APTX: variants seen among roughly 807,000 people sequenced by gnomAD.
The protein encoded by APTX is forkhead-associated domain histidine triad-like protein.
APTX carries 33 observed loss-of-function variants against 42.3 expected under a neutral mutation model. The ratio of observed to expected loss-of-function variants is 0.78; its 90% CI spans 0.59 to 1.04. The LOEUF (loss-of-function observed/expected upper bound fraction) is 1.04. APTX is among the 50% of genes least tolerant of loss of function. APTX has a pLI of 0.00. For synonymous variants in APTX, 130 were observed against 146.7 expected, an observed-to-expected ratio of 0.89 and a Z score of 0.82; for missense variants, 421 against 415.1, an observed-to-expected ratio of 1.01 and a Z score of -0.12.
At chr9:33,001,491 G>A (rs1157523205) in intron 1 of APTX, 76 bp downstream of exon 1, 2 of 1,607,688 alleles carry the variant, frequency 1.2e-6, no homozygotes, top group Non-Finnish European at 8.5e-7. Flanking sequence ...CTCAAGGGTA[G>A]GAGCAGCCTC....
At chr9:32,995,663 G>A (rs1337500981) in intron 1 of APTX, among the ~76,000 whole-genome samples, 3 of 152,076 alleles carry the variant, frequency 2.0e-5, no homozygotes, top group South Asian at 2.1e-4. Flanking sequence ...CAAGGCGGGC[G>A]GATCACGAGG....
At position 33,001,427 on chromosome 9, in the gene APTX, G is replaced by A. The variant is rs1270114586; in HGVS notation, c.-5+140C>T. The A allele has an allele frequency of 3.2e-6, 5 of 1,545,452 alleles. No homozygotes were observed. The East Asian group carries it at 9.7e-5, about 30-fold the overall frequency. On this transcript the variant is annotated intron_variant, in intron 1 of 7. Coordinates refer to ENST00000379817, the MANE Select transcript of APTX (RefSeq NM_001195248.2). ...CCCAAGGTAGTAACAGGGGAGGACG[G>A]AGAAAGCAGCCGTGAGAGCAGCGCA...
chr9:33,007,276 A>T (rs1239004992), intron 1 of APTX, among the ~76,000 whole-genome samples: 2 of 152,190 alleles, frequency 1.3e-5, no homozygotes, highest in Non-Finnish European at 2.9e-5. Context: ...CTGAGCAAGG[A>T]CAATAGTAAA....
chr9:33,019,080 A>G (rs1838149607), intron 1 of APTX, among the ~76,000 whole-genome samples: 1 of 152,220 alleles, frequency 6.6e-6, no homozygotes, highest in Non-Finnish European at 1.5e-5. Context: ...ATAATGTATC[A>G]ACGTTGATTC....
rs377129152 is a variant in APTX, at chr9:32,986,041, A to AC, written c.484-12_484-11insG. 34,937 of 617,530 alleles carry AC rather than the reference A, an allele frequency of 0.057. 1,267 individuals carry two copies. Among genetic ancestry groups the AC allele is most frequent in the African/African-American group, 0.14 (5,093 of 37,118 alleles). The allele number at this position is 617,530 out of a possible 1,614,324, so 38.3% of individuals were successfully genotyped here. ...GTGGCCCAGGGATTCCTAAAAAAAA[A>AC]ACAAAAAAAAAAACAAAAAAAAAAA... On this transcript the variant is annotated splice_polypyrimidine_tract_variant and intron_variant, in intron 4 of 7. Coordinates refer to ENST00000379817, the MANE Select transcript of APTX (RefSeq NM_001195248.2).
Position 32,986,142 on chromosome 9 carries a change from A to G in APTX, c.484-112T>C, listed in dbSNP as rs190336212. 1.3e-4 allele frequency: 127 copies of G among 989,490 alleles called. No homozygotes were observed. In the African/African-American group the frequency reaches 1.7e-3, roughly 13 times the overall value. The allele number at this position is 989,490 out of a possible 1,614,324, so 61.3% of individuals were successfully genotyped here. A position where few individuals can be genotyped will look rare whatever the true frequency, so the allele number is the denominator to read the frequency against. ...TAATACTGTGTGATAGCACAACTAA[A>G]CTTGGAAATAAGCTTAGTTTTTGAG... On this transcript the variant is annotated intron_variant, in intron 4 of 7. Coordinates refer to ENST00000379817, the MANE Select transcript of APTX (RefSeq NM_001195248.2).
At chr9:33,012,829 C>A (rs1012222589) in intron 1 of APTX, among the ~76,000 whole-genome samples, 1 of 152,188 alleles carries the variant, frequency 6.6e-6, no homozygotes, top group Admixed American at 6.5e-5. Flanking sequence ...AGAACACTCC[C>A]TTTTAGAAAA....
chr9:32,980,000 G>C lies in APTX; in HGVS notation c.770+4631C>G, dbSNP rs546522466. 2.2e-4 allele frequency: 35 copies of C among 158,194 alleles called. 1 individual carries two copies. In the South Asian group the frequency reaches 3.3e-3, roughly 15 times the overall value. The allele number at this position is 158,194 out of a possible 1,614,324, so 9.8% of individuals were successfully genotyped here. A position where few individuals can be genotyped will look rare whatever the true frequency, so the allele number is the denominator to read the frequency against. On this transcript the variant is annotated intron_variant, in intron 6 of 7. Coordinates refer to ENST00000379817, the MANE Select transcript of APTX (RefSeq NM_001195248.2). ...AGCACCTCGCAACACTTTAACCAAAGAGAGTCAGAAGTGCTTCGTTCCTGA... is the reference window on the plus strand; with the variant it reads ...AGCACCTCGCAACACTTTAACCAAACAGAGTCAGAAGTGCTTCGTTCCTGA...
chr9:33,001,272 T>C, intron 1 of APTX: 2 of 1,434,692 alleles, frequency 1.4e-6, no homozygotes, highest in Non-Finnish European at 1.8e-6. Flanking sequence ...GCCGCCTCCT[T>C]GGTTGGACAG....
rs1280072209 is a variant in APTX, at chr9:32,987,641, G to A, written c.386C>T (p.Ala129Val). The A allele has an allele frequency of 1.9e-5, 31 of 1,614,058 alleles. No individual in the cohort carries two copies. In the East Asian group the frequency reaches 6.2e-4, roughly 32 times the overall value. Residue 129 changes from alanine to valine, a missense_variant, in exon 4 of 8, where the codon GCT (alanine) becomes GTT (valine). Physicochemically the swap from Ala to Val is moderately conservative, Grantham distance 64. Transcript: ENST00000379817. ...CCCTGTCCCAGCCTCAGCTTCCTGAGCAGCATCCCTTTCTATAGAATCACT... is the reference window on the plus strand; with the variant it reads ...CCCTGTCCCAGCCTCAGCTTCCTGAACAGCATCCCTTTCTATAGAATCACT... ...GNSDSIERDA[A>V]QEAEAGTGLE...
At chr9:33,001,746 G>T, upstream of APTX, 1 of 1,126,234 alleles carries the variant, frequency 8.9e-7, no homozygotes, top group Non-Finnish European at 1.3e-6. Flanking sequence ...CGCCCCAATT[G>T]GGTTCTCTCT....
chr9:33,012,641 C>A (rs1251492688), intron 1 of APTX, among the ~76,000 whole-genome samples: 1 of 152,136 alleles, frequency 6.6e-6, no homozygotes, highest in Non-Finnish European at 1.5e-5. Context: ...ATATGAGTGA[C>A]CCAGCTTGGA....
At chr9:32,979,272 A>T (rs968530571) in intron 6 of APTX, among the ~76,000 whole-genome samples, 2 of 152,080 alleles carry the variant, frequency 1.3e-5, no homozygotes, top group African/African-American at 4.8e-5. Context: ...GCTCCCATTT[A>T]TAAGTGAGAA....
At chr9:33,018,976 A>G (rs1838139743) in intron 1 of APTX, among the ~76,000 whole-genome samples, 1 of 152,232 alleles carries the variant, frequency 6.6e-6, no homozygotes, top group Admixed American at 6.5e-5. Context: ...AAGAGATATG[A>G]TAACTCAAAG....
upstream of APTX, among the ~76,000 whole-genome samples, chr9:33,002,468 T>C (rs1056269793): frequency 6.6e-6 from 1 of 152,168 alleles, no homozygotes; most frequent in South Asian, 2.1e-4. Context: ...AGGTTCCTTA[T>C]TCTCCACTAT....
rs113278914 is a variant in APTX, at chr9:32,976,187, T to C, written c.771-1626A>G. 3.2e-3 allele frequency among the ~76,000 whole-genome samples: 477 copies of C among 148,804 alleles called. 7 individuals are homozygous for C. The highest frequency in any genetic ancestry group is 0.011 in the African/African-American group (456 of 40,072). On this transcript the variant is annotated intron_variant, in intron 6 of 7. Coordinates refer to ENST00000379817, the MANE Select transcript of APTX (RefSeq NM_001195248.2). Reference sequence around the variant, plus strand: ...GGTGGGAACTAAACAATGAGATCACTTGGACACAGGGCAGGGAACATCACA... The same window carrying C: ...GGTGGGAACTAAACAATGAGATCACCTGGACACAGGGCAGGGAACATCACA...
chr9:33,016,739 G>A (rs1234698984), intron 1 of APTX, among the ~76,000 whole-genome samples: 1 of 151,162 alleles, frequency 6.6e-6, no homozygotes, highest in Non-Finnish European at 1.5e-5. Flanking sequence ...TCACTGCTAA[G>A]AGGAAAGTCT....
upstream of APTX, among the ~76,000 whole-genome samples, chr9:33,004,205 T>C (rs926924734): frequency 1.3e-5 from 2 of 152,212 alleles, no homozygotes; most frequent in African/African-American, 2.4e-5. Context: ...TCACTTATAA[T>C]TGGCAGCTAA....
At chr9:32,986,151 T>A (rs764389542) in intron 4 of APTX, 121 bp from the exon 5 acceptor site, 1 of 933,610 alleles carries the variant, frequency 1.1e-6, no homozygotes, top group East Asian at 2.4e-5. Flanking sequence ...AACTTGGAAA[T>A]AAGCTTAGTT....
Sources: gnomAD v4.1 joint callset for allele counts (sites outside exome capture counted in the v4.1 genomes callset) on GRCh38, gnomAD v4.1.1 for gene constraint, MANE v1.5 for transcripts, NCBI Gene and HGNC (gene_info 2026-07-23, HGNC 2026-07-21) for gene names.